Variants in ABCA12 observed in about 807,000 individuals in gnomAD.
The protein encoded by ABCA12 is ATP binding cassette subfamily A member 12, also known as glucosylceramide transporter ABCA12.
In ABCA12, 156 loss-of-function variants were observed where a neutral mutation model predicts 293.5. The ratio of observed to expected loss-of-function variants is 0.53; its 90% CI spans 0.47 to 0.61. The LOEUF is 0.61. Ranked by LOEUF, ABCA12 falls within the 20% of genes least tolerant of loss-of-function variation. The pLI, the probability that ABCA12 is intolerant of heterozygous loss-of-function variation, is 0.00. For missense variants in ABCA12, 2,797 were observed against 3,090.2 expected (o/e 0.91, Z 2.25); for synonymous variants, 1,063 against 1,108.0 (o/e 0.96, Z 0.81).
chr2:215,079,759 C>A (rs1264116552), intron 2 of ABCA12, among the ~76,000 whole-genome samples: 1 of 152,136 alleles, frequency 6.6e-6, no homozygotes, highest in South Asian at 2.1e-4. Flanking sequence ...TTTAATCTTG[C>A]GTTACTTAAT....
intron 2 of ABCA12, among the ~76,000 whole-genome samples, chr2:215,080,058 G>T (rs1701908488): frequency 1.3e-5 from 2 of 152,058 alleles, no homozygotes; most frequent in African/African-American, 4.8e-5. Context: ...GTAATTAGAG[G>T]AATCCCACAT....
chr2:215,114,537 C>G (rs1369604641), intron 1 of ABCA12, among the ~76,000 whole-genome samples: 2 of 152,076 alleles, frequency 1.3e-5, no homozygotes, highest in Non-Finnish European at 2.9e-5. Flanking sequence ...ATCTGAATCC[C>G]AAGATACATA....
At chr2:215,043,378 G>A (rs1227238911) in intron 7 of ABCA12, among the ~76,000 whole-genome samples, 2 of 152,092 alleles carry the variant, frequency 1.3e-5, no homozygotes, top group East Asian at 3.9e-4. Context: ...ATACTCTACT[G>A]CATAGTGCCA....
chr2:215,132,781 G>A (rs1315961493), intron 1 of ABCA12, among the ~76,000 whole-genome samples: 1 of 152,010 alleles, frequency 6.6e-6, no homozygotes, highest in Non-Finnish European at 1.5e-5. Context: ...ATGTAATGTT[G>A]TTAGCTAGTT....
intron 28 of ABCA12, among the ~76,000 whole-genome samples, chr2:214,986,018 T>C (rs1488736103): frequency 6.6e-6 from 1 of 152,228 alleles, no homozygotes; most frequent in African/African-American, 2.4e-5. Flanking sequence ...TTCCTTTGTT[T>C]CTTTATGAGT....
At chr2:215,067,014 C>G (rs1701652540) in intron 2 of ABCA12, among the ~76,000 whole-genome samples, 1 of 152,072 alleles carries the variant, frequency 6.6e-6, no homozygotes, top group Non-Finnish European at 1.5e-5. Context: ...TGGAAATCCT[C>G]TAGAAGTAAT....
intron 10 of ABCA12, among the ~76,000 whole-genome samples, 180 bp downstream of exon 10, chr2:215,026,640 T>C (rs535931122): frequency 1.3e-5 from 2 of 152,322 alleles, no homozygotes; most frequent in African/African-American, 2.4e-5. Flanking sequence ...AACAGAATAA[T>C]ATGATATTAT....
At chr2:214,941,781 CTT>C (rs57664683) in intron 50 of ABCA12, among the ~76,000 whole-genome samples, 4 of 144,876 alleles carry the variant, frequency 2.8e-5, no homozygotes, top group Admixed American at 1.4e-4. Flanking sequence ...GCAACCCCTG[CTT>C]TTTTTTTTTG....
chr2:215,065,297 TAAAAAAAAAA>T (rs66466863), intron 2 of ABCA12, among the ~76,000 whole-genome samples: 35 of 45,142 alleles, frequency 7.8e-4, no homozygotes, highest in African/African-American at 2.5e-3. Flanking sequence ...CATGAATGTG[TAAAAAAAAAA>T]AAAAAAAAAA....
intron 2 of ABCA12, among the ~76,000 whole-genome samples, chr2:215,099,812 G>A (rs530035829): frequency 8.5e-5 from 13 of 152,250 alleles, no homozygotes; most frequent in African/African-American, 2.9e-4. Context: ...AATACAGCCT[G>A]TGATATAAAC....
intron 5 of ABCA12, among the ~76,000 whole-genome samples, chr2:215,050,175 T>C (rs943350858): frequency 2.0e-5 from 3 of 152,144 alleles, no homozygotes; most frequent in African/African-American, 7.2e-5. Context: ...GAAACTCAGG[T>C]GTCCTAACTC....
chr2:215,066,603 A>G (rs1455294283), intron 2 of ABCA12, among the ~76,000 whole-genome samples: 1 of 147,748 alleles, frequency 6.8e-6, no homozygotes, highest in Non-Finnish European at 1.5e-5. Flanking sequence ...GACAAACCTA[A>G]TTTATAGGAA....
intron 18 of ABCA12, among the ~76,000 whole-genome samples, chr2:215,008,396 A>AACACAC (rs144250227): frequency 1.3e-5 from 2 of 150,882 alleles, no homozygotes; most frequent in African/African-American, 4.9e-5. Flanking sequence ...TAGCAAGAAA[A>AACACAC]ACACACACAC....
rs2049361 is a variant in ABCA12, at chr2:215,001,125, G to A, written c.2864-105C>T. 1,095,872 of 1,096,870 alleles carry A rather than the reference G, an allele frequency of 1. 547,441 individuals are homozygous for A. The highest frequency in any genetic ancestry group is 1 in the East Asian group (39,366 of 39,366). 67.9% of individuals were successfully genotyped at this position (1,096,870 alleles called of 1,614,324 possible). On this transcript the variant is annotated intron_variant, in intron 21 of 52. Coordinates refer to ENST00000272895, the MANE Select transcript of ABCA12 (RefSeq NM_173076.3). Reference sequence around the variant, plus strand: ...GACAGCCAAACAGTCAATTGAGTTAGTAATGTGACAGTAGGTTCAGGTTCT... The same window carrying A: ...GACAGCCAAACAGTCAATTGAGTTAATAATGTGACAGTAGGTTCAGGTTCT...
chr2:215,034,975 G>A (rs1700960457), intron 8 of ABCA12, among the ~76,000 whole-genome samples: 1 of 152,170 alleles, frequency 6.6e-6, no homozygotes, highest in Admixed American at 6.5e-5. Flanking sequence ...GAGAAAGGAT[G>A]TTCATTTTCA....
At chr2:215,040,235 T>C (rs961112966) in intron 7 of ABCA12, among the ~76,000 whole-genome samples, 23 of 152,252 alleles carry the variant, frequency 1.5e-4, no homozygotes, top group Non-Finnish European at 2.9e-4. Context: ...TTGTTCTGAC[T>C]AAATAAAAGT....
In ABCA12 at chr2:214,980,515, C is replaced by A; in HGVS notation, c.4708G>T (p.Asp1570Tyr). ...SPFYLKEAFGDGYHLTLTKKK... is the reference protein window; with the variant it reads ...SPFYLKEAFGYGYHLTLTKKK... ...TTGGTAAGCGTGAGGTGATACCCAT[C>A]GCCAAAGGCTTCCTTGAGGTAAAAT... Residue 1570 changes from aspartate (D) to tyrosine (Y), a missense_variant, in exon 31 of 53, where the codon GAT becomes TAT. Physicochemically the swap from Asp to Tyr is radical, Grantham distance 160. Around this residue, in one of 3 missense-constraint regions of ABCA12, gnomAD observed 2,130 missense variants for 2,427.0 expected, o/e 0.88. Coordinates refer to ENST00000272895, the MANE Select transcript of ABCA12 (RefSeq NM_173076.3). 1 of 1,613,872 alleles carries A rather than the reference C, an allele frequency of 6.2e-7. No individual in the cohort carries two copies. Among genetic ancestry groups the A allele is most frequent in the South Asian group, 1.1e-5 (1 of 91,068 alleles).
chr2:214,935,068 G>C (rs1317460121), intron 51 of ABCA12, among the ~76,000 whole-genome samples: 1 of 152,136 alleles, frequency 6.6e-6, no homozygotes, highest in Non-Finnish European at 1.5e-5. Flanking sequence ...TGACGCCAGT[G>C]CATCAGATCA....
intron 2 of ABCA12, 64 bp downstream of exon 2, chr2:215,111,533 G>T: frequency 7.5e-7 from 1 of 1,336,952 alleles, no homozygotes; most frequent in Non-Finnish European, 1.1e-6. Flanking sequence ...CACTAAAGTG[G>T]TACCAAAATA....
Sources: gnomAD v4.1 joint callset for allele counts (sites outside exome capture counted in the v4.1 genomes callset) on GRCh38, gnomAD v4.1.1 for gene constraint, gnomAD v4.1.1 regional missense constraint, MANE v1.5 for transcripts, NCBI Gene and HGNC (gene_info 2026-07-23, HGNC 2026-07-21) for gene names.